Variants in DISC1 observed in about 807,000 individuals in gnomAD.
DISC1 encodes the protein disrupted in schizophrenia 1 protein.
In DISC1, 57 loss-of-function variants were observed where a neutral mutation model predicts 84.5. The observed-to-expected ratio is 0.67, with a 90% confidence interval of 0.55 to 0.84. The LOEUF is 0.84. DISC1 is among the 40% of genes least tolerant of loss of function. The pLI, the probability that DISC1 is intolerant of heterozygous loss-of-function variation, is 0.00. For synonymous variants in DISC1, 411 were observed against 415.2 expected, an observed-to-expected ratio of 0.99 and a Z score of 0.12; for missense variants, 1,000 against 1,057.8, an observed-to-expected ratio of 0.95 and a Z score of 0.76.
intron 9 of DISC1, among the ~76,000 whole-genome samples, chr1:231,919,195 ATTTATACCAGCTCAG>A (rs2089841579): frequency 6.6e-6 from 1 of 152,214 alleles, no homozygotes; most frequent in Non-Finnish European, 1.5e-5. Flanking sequence ...CACGAGTATA[ATTTATACCAGCTCAG>A]TGGCACTAAT....
intron 8 of DISC1, among the ~76,000 whole-genome samples, chr1:231,812,455 A>G (rs2080399088): frequency 6.6e-6 from 1 of 152,222 alleles, no homozygotes; most frequent in African/African-American, 2.4e-5. Context: ...CACAATTTAA[A>G]TTTTGTGTTT....
intron 9 of DISC1, among the ~76,000 whole-genome samples, chr1:231,948,533 A>G (rs879105117): frequency 3.9e-4 from 59 of 151,988 alleles, no homozygotes; most frequent in African/African-American, 1.3e-3. Context: ...GCAGCAAAAC[A>G]CCGTGGCACG....
rs528744907 is a variant in DISC1, at chr1:231,888,152, G to C, written c.1981+69635G>C. On this transcript the variant is annotated intron_variant, in intron 9 of 12. Transcript: ENST00000439617. Reference sequence around the variant, plus strand: ...TAATCCCCTAAAAATAGTTACTTGTGGGGGAAGCAGTGGAGCAGAATGCAA... The same window carrying C: ...TAATCCCCTAAAAATAGTTACTTGTCGGGGAAGCAGTGGAGCAGAATGCAA... Among the ~76,000 whole-genome samples the C allele has an allele frequency of 2.6e-5, 4 of 152,274 alleles. No homozygotes were observed. In the South Asian group the frequency reaches 8.3e-4, roughly 32 times the overall value.
chr1:231,932,069 T>C (rs979069888), intron 9 of DISC1, among the ~76,000 whole-genome samples: 1 of 152,194 alleles, frequency 6.6e-6, no homozygotes, highest in Admixed American at 6.5e-5. Context: ...GCACAGTCTC[T>C]AGCATTAACT....
chr1:232,027,679 A>G (rs79459245), intron 12 of DISC1, among the ~76,000 whole-genome samples: 168 of 152,224 alleles, frequency 1.1e-3, no homozygotes, highest in African/African-American at 3.9e-3. Flanking sequence ...TCATCTTTCT[A>G]TTCAGTAGAA....
At chr1:231,750,476 C>T in intron 4 of DISC1, 1 of 1,002,064 alleles carries the variant, frequency 1.0e-6, no homozygotes, top group Non-Finnish European at 1.2e-6. Context: ...ATCCATCCTC[C>T]TCCTAACTCT....
chr1:231,650,749 CTTTA>C (rs1416112220), intron 1 of DISC1, among the ~76,000 whole-genome samples: 3 of 152,158 alleles, frequency 2.0e-5, no homozygotes, highest in Non-Finnish European at 2.9e-5. Flanking sequence ...TTCTTGGAGG[CTTTA>C]TTTGTTTCTT....
intron 9 of DISC1, among the ~76,000 whole-genome samples, chr1:231,881,135 T>A (rs1558685754): frequency 1.3e-5 from 2 of 152,212 alleles, no homozygotes; most frequent in Admixed American, 1.3e-4. Context: ...AACACCATGC[T>A]GTGGGCAAGA....
intron 1 of DISC1, among the ~76,000 whole-genome samples, chr1:231,666,311 A>G (rs202036281): frequency 8.7e-5 from 4 of 45,976 alleles, no homozygotes; most frequent in African/African-American, 3.9e-4. Flanking sequence ...TGTCTCAGGA[A>G]AAAAAAAAAA....
At chr1:231,692,840 G>GT (rs1219733739) in intron 1 of DISC1, among the ~76,000 whole-genome samples, 1 of 152,206 alleles carries the variant, frequency 6.6e-6, no homozygotes, top group Non-Finnish European at 1.5e-5. Context: ...GAAAGCTATA[G>GT]TTTCGGGTCG....
chr1:231,992,215 C>T (rs887470454), intron 10 of DISC1, among the ~76,000 whole-genome samples: 2 of 152,148 alleles, frequency 1.3e-5, no homozygotes, highest in African/African-American at 2.4e-5. Flanking sequence ...CTGACGTATC[C>T]CTCACCTTTA....
chr1:231,937,731 G>C (rs2091067574), intron 9 of DISC1, among the ~76,000 whole-genome samples: 1 of 152,282 alleles, frequency 6.6e-6, no homozygotes, highest in East Asian at 1.9e-4. Flanking sequence ...GACTGAAGGG[G>C]ACCCGGCTTC....
chr1:232,032,218 T>C (rs1670114165), intron 12 of DISC1, among the ~76,000 whole-genome samples: 1 of 152,160 alleles, frequency 6.6e-6, no homozygotes, highest in South Asian at 2.1e-4. Context: ...ATTGTTTCTT[T>C]TTGAATCAAA....
intron 9 of DISC1, among the ~76,000 whole-genome samples, chr1:231,828,453 G>A (rs75599529): frequency 6.6e-6 from 1 of 152,078 alleles, no homozygotes; most frequent in Non-Finnish European, 1.5e-5. Flanking sequence ...CACCAAACAC[G>A]GACATTCCCC....
chr1:231,686,699 C>A (rs1184223736), intron 1 of DISC1, among the ~76,000 whole-genome samples: 1 of 152,196 alleles, frequency 6.6e-6, no homozygotes, highest in African/African-American at 2.4e-5. Context: ...GTTACTTATG[C>A]AAATTCCTGC....
chr1:231,829,305 T>A (rs2082060623), intron 9 of DISC1, among the ~76,000 whole-genome samples: 1 of 152,236 alleles, frequency 6.6e-6, no homozygotes, highest in Non-Finnish European at 1.5e-5. Flanking sequence ...CAGAGTGGTA[T>A]TTAATTCATG....
chr1:232,029,003 G>T (rs1388582566), intron 12 of DISC1, among the ~76,000 whole-genome samples: 1 of 152,160 alleles, frequency 6.6e-6, no homozygotes, highest in African/African-American at 2.4e-5. Context: ...TCAGCCACAA[G>T]CCCCATGGTC....
chr1:231,675,888 G>A lies in DISC1; in HGVS notation c.68-17938G>A, dbSNP rs748531178. On this transcript the variant is annotated intron_variant, in intron 1 of 12. Transcript: ENST00000439617. The surrounding 1 kb of genome is among the most constrained non-coding windows in gnomAD (Gnocchi z 4.1). The stretch of plus-strand genomic sequence containing the variant: ...TTTTTGACACAGAATTCCCACTGTC[G>A]CCCAGGCTGGAATGCAATGATGTGA... 1.4e-5 allele frequency among the ~76,000 whole-genome samples: 2 copies of A among 141,478 alleles called. No individual in the cohort carries two copies. The highest frequency in any genetic ancestry group is 7.6e-5 in the Admixed American group (1 of 13,224). 92.8% of individuals were successfully genotyped at this position (141,478 alleles called of 152,430 possible).
chr1:231,994,990 G>T (rs1044994285), intron 10 of DISC1, among the ~76,000 whole-genome samples: 1 of 152,180 alleles, frequency 6.6e-6, no homozygotes, highest in South Asian at 2.1e-4. Context: ...CATGTTCCTC[G>T]TTAAATACTC....
Sources: gnomAD v4.1 joint callset for allele counts (sites outside exome capture counted in the v4.1 genomes callset) on GRCh38, gnomAD v4.1.1 for gene constraint, Gnocchi (gnomAD v3.1) non-coding constraint, MANE v1.5 for transcripts, NCBI Gene and HGNC (gene_info 2026-07-23, HGNC 2026-07-21) for gene names.